Variants in PRKN observed in about 807,000 individuals in gnomAD.
PRKN encodes E3 ubiquitin-protein ligase parkin.
Under a neutral mutation model 59.5 loss-of-function variants are expected in PRKN, and 56 were observed. The observed-to-expected ratio is 0.94, with a 90% confidence interval of 0.76 to 1.18. The LOEUF is 1.18. Among genes scored for constraint, PRKN ranks in the 50% most tolerant of loss-of-function variants. The probability of loss-of-function intolerance (pLI) is 0.00; values close to 1 mark genes in which losing one functional copy is unlikely to be tolerated. For missense variants in PRKN, 657 were observed against 596.4 expected, an observed-to-expected ratio of 1.10 and a Z score of -1.06; for synonymous variants, 250 against 222.1, an observed-to-expected ratio of 1.13 and a Z score of -1.12.
chr6:161,686,598 T>TAACA (rs1785565943), intron 7 of PRKN, among the ~76,000 whole-genome samples: 1 of 152,214 alleles, frequency 6.6e-6, no homozygotes, highest in Non-Finnish European at 1.5e-5. Context: ...CTCCTTAGAT[T>TAACA]TGAATTAAAC....
chr6:162,407,126 G>C (rs750601618), intron 2 of PRKN, among the ~76,000 whole-genome samples: 9 of 151,820 alleles, frequency 5.9e-5, no homozygotes, highest in Non-Finnish European at 1.2e-4. Flanking sequence ...CTAGACTTTG[G>C]GACTACTCTA....
In PRKN at chr6:162,126,645, G is replaced by C. The variant is rs75517351; in HGVS notation, c.535-72471C>G. 1.3e-3 allele frequency among the ~76,000 whole-genome samples: 203 copies of C among 152,258 alleles called. 2 individuals carry two copies. The highest frequency in any genetic ancestry group is 4.5e-3 in the African/African-American group (189 of 41,564). ...CCAAACCACATTTAATCCTCCTGCA[G>C]ACCAGCTACCAAATGTTTATTTCTC... On this transcript the variant is annotated intron_variant, in intron 4 of 11. Coordinates refer to ENST00000366898, the MANE Select transcript of PRKN (RefSeq NM_004562.3).
At chr6:162,097,153 G>A (rs984747964) in intron 4 of PRKN, among the ~76,000 whole-genome samples, 5 of 152,144 alleles carry the variant, frequency 3.3e-5, no homozygotes, top group Non-Finnish European at 7.4e-5. Flanking sequence ...TGGGACTACA[G>A]GCGTGAGCCA....
chr6:162,555,637 A>G (rs1368746718), intron 1 of PRKN, among the ~76,000 whole-genome samples: 4 of 144,564 alleles, frequency 2.8e-5, no homozygotes, highest in Non-Finnish European at 4.4e-5. Flanking sequence ...AAAAAATACA[A>G]AAAAAAAATT....
In PRKN at chr6:161,548,765, GA is replaced by G. The variant is rs1779884191; in HGVS notation, c.1083+88del. ...AGATGTCTAAGTCCAAAGGGAAAAT[GA>G]AAATAAAATAAAAATATAATCCCAG... is the stretch of plus-strand genomic sequence containing the variant. On this transcript the variant is annotated intron_variant, in intron 9 of 11. Transcript: ENST00000366898. The surrounding 1 kb of genome is among the most constrained non-coding windows in gnomAD (Gnocchi z 4.2). 4.0e-6 allele frequency: 5 copies of G among 1,240,440 alleles called. No homozygotes were observed. Among genetic ancestry groups the G allele is most frequent in the Non-Finnish European group, 5.8e-6 (5 of 865,440 alleles). The allele number at this position is 1,240,440 out of a possible 1,614,324, so 76.8% of individuals were successfully genotyped here. A position where few individuals can be genotyped will look rare whatever the true frequency, so the allele number is the denominator to read the frequency against.
intron 7 of PRKN, among the ~76,000 whole-genome samples, chr6:161,639,547 C>A (rs75475979): frequency 0.02 from 3,011 of 152,276 alleles, 100 homozygotes; most frequent in African/African-American, 0.069. Context: ...GGTCCTCCCA[C>A]CTCCTCAACC....
chr6:161,542,098 G>A (rs181886144), intron 9 of PRKN, among the ~76,000 whole-genome samples: 76 of 152,176 alleles, frequency 5.0e-4, no homozygotes, highest in Non-Finnish European at 8.5e-4. Flanking sequence ...CCTTTATGGC[G>A]ATCTACTTCC....
chr6:162,051,518 G>C (rs896007474), intron 5 of PRKN, among the ~76,000 whole-genome samples: 1 of 152,178 alleles, frequency 6.6e-6, no homozygotes, highest in Admixed American at 6.5e-5. Context: ...CAGGAACAAT[G>C]TGTTCCTGCC....
At position 162,044,399 on chromosome 6, in the gene PRKN, G is replaced by A. The variant is rs1291631991; in HGVS notation, c.618+9692C>T. On this transcript the variant is annotated intron_variant, in intron 5 of 11. Coordinates refer to ENST00000366898, the MANE Select transcript of PRKN (RefSeq NM_004562.3). ...CTGCTGCCACGGGGCTCCTGCAGGA[G>A]CTCCTCCCTGCTAGGCATGTCCTCA... 2.0e-5 allele frequency among the ~76,000 whole-genome samples: 3 copies of A among 152,206 alleles called. No individual in the cohort carries two copies. In the East Asian group the frequency reaches 5.8e-4, roughly 29 times the overall value.
At position 161,460,741 on chromosome 6, in the gene PRKN, C is replaced by A. The variant is rs1041363212; in HGVS notation, c.1084-73864G>T. Among the ~76,000 whole-genome samples the A allele has an allele frequency of 6.6e-6, 1 of 151,212 alleles. No individual in the cohort carries two copies. Among genetic ancestry groups the A allele is most frequent in the Admixed American group, 6.6e-5 (1 of 15,178 alleles). ...GCCTGTCAAGATCCCACACACCAAC[C>A]AAGAGTTATCTTTTTTTTTTTTTTC... is the stretch of plus-strand genomic sequence containing the variant. On this transcript the variant is annotated intron_variant, in intron 9 of 11. Transcript: ENST00000366898. The surrounding 1 kb of genome is among the most constrained non-coding windows in gnomAD (Gnocchi z 5.0).
intron 9 of PRKN, among the ~76,000 whole-genome samples, chr6:161,479,986 A>G (rs1252227632): frequency 6.6e-6 from 1 of 152,222 alleles, no homozygotes; most frequent in Admixed American, 6.5e-5. Context: ...AAGGGCCAGC[A>G]CACAATTCCT....
At chr6:161,939,681 G>A (rs1190719091) in intron 6 of PRKN, among the ~76,000 whole-genome samples, 1 of 151,820 alleles carries the variant, frequency 6.6e-6, no homozygotes, top group East Asian at 1.9e-4. Flanking sequence ...GCAACGAGAT[G>A]AGATCGTGTC....
chr6:161,388,047 C>T lies in PRKN; in HGVS notation c.1084-1170G>A, dbSNP rs1786344804. On this transcript the variant is annotated intron_variant, in intron 9 of 11. Transcript: ENST00000366898. The surrounding 1 kb of genome is among the most constrained non-coding windows in gnomAD (Gnocchi z 4.3). ...CTGTCTGTCTGGGATCCATGGACCT[C>T]TCCTGAAAGCACGTCCCATTCTCAT... Among the ~76,000 whole-genome samples the T allele has an allele frequency of 6.6e-6, 1 of 152,204 alleles. No homozygotes were observed. The highest frequency in any genetic ancestry group is 1.5e-5 in the Non-Finnish European group (1 of 68,040).
intron 1 of PRKN, among the ~76,000 whole-genome samples, chr6:162,720,395 C>T (rs1441903628): frequency 6.6e-6 from 1 of 150,984 alleles, no homozygotes; most frequent in Admixed American, 6.6e-5. Context: ...CATCAAGAAG[C>T]CATCAATACT....
At chr6:162,584,222 A>AAC (rs1780910799) in intron 1 of PRKN, among the ~76,000 whole-genome samples, 1 of 77,762 alleles carries the variant, frequency 1.3e-5, no homozygotes, top group African/African-American at 3.7e-5. Flanking sequence ...CAAAAAAAAA[A>AAC]AACAAAAAAC....
chr6:162,376,003 A>C (rs11758878), intron 2 of PRKN, among the ~76,000 whole-genome samples: 40,204 of 151,908 alleles, frequency 0.26, 5,535 homozygotes, highest in African/African-American at 0.3. Flanking sequence ...GGAAGCTTCC[A>C]TGCTAGAGGA....
At position 161,488,888 on chromosome 6, in the gene PRKN, A is replaced by G. The variant is rs896695385; in HGVS notation, c.1083+59966T>C. ...AAAAGGATGGCTGATACATTGAATG[A>G]TGAAGAGGAATTAAGGCAATGGAAA... On this transcript the variant is annotated intron_variant, in intron 9 of 11. Transcript: ENST00000366898. The surrounding 1 kb of genome is among the most constrained non-coding windows in gnomAD (Gnocchi z 4.5). Among the ~76,000 whole-genome samples the G allele has an allele frequency of 6.6e-6, 1 of 152,206 alleles. No homozygotes were observed. Among genetic ancestry groups the G allele is most frequent in the Non-Finnish European group, 1.5e-5 (1 of 68,024 alleles).
chr6:161,362,735 C>T lies in PRKN; in HGVS notation c.1168-2530G>A, dbSNP rs1252072912. Among the ~76,000 whole-genome samples, 4 of 152,160 alleles carry T rather than the reference C, an allele frequency of 2.6e-5. No homozygotes were observed. The highest frequency in any genetic ancestry group is 2.1e-4 in the South Asian group (1 of 4,830). On this transcript the variant is annotated intron_variant, in intron 10 of 11. Coordinates refer to ENST00000366898, the MANE Select transcript of PRKN (RefSeq NM_004562.3). This position sits in a 1 kb window ranked among gnomAD's most constrained non-coding sequence, Gnocchi z 5.2. ...GATTGGCATATACCCTGGAACCAGG[C>T]GGAAGCAAAAATATCTTTTGTGGAG...
Position 161,363,168 on chromosome 6 carries a change from G to T in PRKN, c.1168-2963C>A, listed in dbSNP as rs148750579. On this transcript the variant is annotated intron_variant, in intron 10 of 11. Coordinates refer to ENST00000366898, the MANE Select transcript of PRKN (RefSeq NM_004562.3). The surrounding 1 kb of genome is among the most constrained non-coding windows in gnomAD (Gnocchi z 4.1). Reference sequence around the variant, plus strand: ...GAGGCAGGAGAAGTACCTGAACCTGGGGGGCAGAGGTTGCAGTGAGCCGAG... The same window carrying T: ...GAGGCAGGAGAAGTACCTGAACCTGTGGGGCAGAGGTTGCAGTGAGCCGAG... Among the ~76,000 whole-genome samples, 13 of 152,284 alleles carry T rather than the reference G, an allele frequency of 8.5e-5. No individual in the cohort carries two copies. The highest frequency in any genetic ancestry group is 2.9e-4 in the African/African-American group (12 of 41,566).
Sources: gnomAD v4.1 joint callset for allele counts (sites outside exome capture counted in the v4.1 genomes callset) on GRCh38, gnomAD v4.1.1 for gene constraint, Gnocchi (gnomAD v3.1) non-coding constraint, MANE v1.5 for transcripts, NCBI Gene and HGNC (gene_info 2026-07-23, HGNC 2026-07-21) for gene names.